The following HLF variants were observed in gnomAD, a reference collection of about 807,000 sequenced individuals.
The protein encoded by HLF is HLF transcription factor, PAR bZIP family member.
A neutral mutation model predicts 22.6 loss-of-function variants in HLF; 3 were observed. The observed-to-expected ratio is 0.13, with a 90% confidence interval of 0.06 to 0.34. The LOEUF is 0.34. Among genes scored for constraint, HLF ranks in the 10% least tolerant of loss-of-function variants. HLF has a pLI of 1.00. For synonymous variants in HLF, 151 were observed against 151.8 expected (o/e 0.99, Z 0.04); for missense variants, 299 against 389.2 (o/e 0.77, Z 1.95).
intron 2 of HLF, among the ~76,000 whole-genome samples, chr17:55,288,670 C>T (rs986217227): frequency 5.3e-5 from 8 of 151,382 alleles, no homozygotes; most frequent in Non-Finnish European, 1.0e-4. Context: ...GTGGGAGGAT[C>T]GCTTGAGCCC....
At chr17:55,292,812 A>T (rs2081076316) in intron 2 of HLF, among the ~76,000 whole-genome samples, 1 of 152,230 alleles carries the variant, frequency 6.6e-6, no homozygotes, top group Admixed American at 6.5e-5. Flanking sequence ...TTCCACCATA[A>T]AAAAGAATGA....
At chr17:55,287,256 T>G (rs1296030024) in intron 2 of HLF, among the ~76,000 whole-genome samples, 2 of 152,206 alleles carry the variant, frequency 1.3e-5, no homozygotes, top group Non-Finnish European at 2.9e-5. Context: ...GGAGCTTTGC[T>G]CCCCCTTCCC....
At chr17:55,269,228 C>T (rs576396263) in intron 2 of HLF, among the ~76,000 whole-genome samples, 14 of 152,270 alleles carry the variant, frequency 9.2e-5, no homozygotes, top group African/African-American at 2.9e-4. Context: ...TGAAGTTCCT[C>T]CTTTCAGACC....
At chr17:55,279,247 C>T (rs1005874144) in intron 2 of HLF, among the ~76,000 whole-genome samples, 1 of 152,068 alleles carries the variant, frequency 6.6e-6, no homozygotes, top group African/African-American at 2.4e-5. Flanking sequence ...TTATTGGCTT[C>T]CTGGAAGACT....
intron 2 of HLF, chr17:55,288,883 A>G (rs1477509200): frequency 1.0e-6 from 1 of 984,246 alleles, no homozygotes. Flanking sequence ...AATCACAGAG[A>G]CATGATTGGA....
At position 55,268,102 on chromosome 17, in the gene HLF, A is replaced by C; in HGVS notation, c.451+16A>C. 6.7e-7 allele frequency: 1 copy of C among 1,498,224 alleles called. No homozygotes were observed. The highest frequency in any genetic ancestry group is 9.0e-7 in the Non-Finnish European group (1 of 1,117,236). The allele number at this position is 1,498,224 out of a possible 1,614,324, so 92.8% of individuals were successfully genotyped here. Reference sequence around the variant, plus strand: ...ATCAGACCAGGTAAGTGCCCTGAAGATTCTCCCTTCAGAAAGGGAGGAGGA... The same window carrying C: ...ATCAGACCAGGTAAGTGCCCTGAAGCTTCTCCCTTCAGAAAGGGAGGAGGA... On this transcript the variant is annotated intron_variant, in intron 2 of 3. Coordinates refer to ENST00000226067, the MANE Select transcript of HLF (RefSeq NM_002126.5).
intron 2 of HLF, among the ~76,000 whole-genome samples, chr17:55,307,609 T>C (rs1213369754): frequency 6.6e-6 from 1 of 152,178 alleles, no homozygotes; most frequent in Non-Finnish European, 1.5e-5. Context: ...AATTAAAATT[T>C]GCCCCTGTTC....
chr17:55,307,147 C>CTTTTTT (rs35828509), intron 2 of HLF, among the ~76,000 whole-genome samples: 45 of 70,160 alleles, frequency 6.4e-4, no homozygotes, highest in Non-Finnish European at 7.5e-4. Context: ...TCTCAGCGGC[C>CTTTTTT]TTTTTTTTTT....
chr17:55,323,801 G>A lies in HLF; in HGVS notation c.*2922G>A, dbSNP rs1021525770. ...CATGTCTGCACGCTGCAGCTATTATGAGAGTCCCTTTGTCATTTTTCACCT... is the reference window on the plus strand; with the variant it reads ...CATGTCTGCACGCTGCAGCTATTATAAGAGTCCCTTTGTCATTTTTCACCT... On this transcript the variant is annotated 3_prime_UTR_variant, in exon 4 of 4. Coordinates refer to ENST00000226067, the MANE Select transcript of HLF (RefSeq NM_002126.5). 1.3e-5 allele frequency: 3 copies of A among 230,452 alleles called. No homozygotes were observed. Among genetic ancestry groups the A allele is most frequent in the African/African-American group, 6.6e-5 (3 of 45,192 alleles). 14.3% of individuals were successfully genotyped at this position (230,452 alleles called of 1,614,324 possible). A position where few individuals can be genotyped will look rare whatever the true frequency, so the allele number is the denominator to read the frequency against.
At chr17:55,288,451 T>G (rs945749732) in intron 2 of HLF, among the ~76,000 whole-genome samples, 1 of 152,048 alleles carries the variant, frequency 6.6e-6, no homozygotes, top group African/African-American at 2.4e-5. Context: ...CCCGGCCAGT[T>G]TCACTGTTTT....
Position 55,265,553 on chromosome 17 carries a change from G to T in HLF, c.69G>T (p.Arg23Ser). The T allele has an allele frequency of 6.2e-7, 1 of 1,610,062 alleles. No individual in the cohort carries two copies. The change falls in exon 1 of 4, where the codon AGG (arginine) becomes AGT (serine). Residue 23 changes from arginine (R) to serine (S), a missense_variant. This residue lies in a region of HLF where 72 missense variants were observed against 74.0 expected (regional missense o/e 0.97). Coordinates refer to ENST00000226067, the MANE Select transcript of HLF (RefSeq NM_002126.5). ...TFIPPPYGVLRSLLENPLKLP... is the reference protein window; with the variant it reads ...TFIPPPYGVLSSLLENPLKLP... ...TCCCGCCTCCCTACGGCGTGCTCAG[G>T]TCCCTGCTGGAGAACCCGCTGAAGC...
intron 2 of HLF, among the ~76,000 whole-genome samples, chr17:55,270,307 C>A (rs1807244677): frequency 6.6e-6 from 1 of 152,142 alleles, no homozygotes; most frequent in South Asian, 2.1e-4. Context: ...ACTCGATAGT[C>A]CTCATAGAAA....
intron 3 of HLF, among the ~76,000 whole-genome samples, chr17:55,317,202 TG>T (rs1430953319): frequency 6.6e-6 from 1 of 151,980 alleles, no homozygotes; most frequent in Non-Finnish European, 1.5e-5. Flanking sequence ...CTCCTGACCT[TG>T]TGATCTGCCC....
chr17:55,310,461 T>G (rs1424070001), intron 2 of HLF, among the ~76,000 whole-genome samples: 2 of 152,212 alleles, frequency 1.3e-5, no homozygotes, highest in African/African-American at 2.4e-5. Context: ...GTTGGAAGAA[T>G]TGGAACTGCC....
intron 2 of HLF, among the ~76,000 whole-genome samples, chr17:55,312,491 A>G (rs764269449): frequency 6.6e-5 from 10 of 152,274 alleles, no homozygotes; most frequent in South Asian, 4.1e-4. Context: ...TATCCAAACT[A>G]TGGGATCCTC....
At chr17:55,268,848 C>T (rs1336241613) in intron 2 of HLF, among the ~76,000 whole-genome samples, 2 of 152,056 alleles carry the variant, frequency 1.3e-5, no homozygotes, top group East Asian at 3.9e-4. Context: ...ACAAAAATAT[C>T]ACCTGAAATG....
chr17:55,315,267 T>C lies in HLF; in HGVS notation c.492T>C (p.Ile164=). 6.2e-7 allele frequency: 1 copy of C among 1,614,200 alleles called. No homozygotes were observed. ...LPANRNTPSP[I]DPDTIQVPVG... ...CAAACCGCAATACACCAAGTCCCATTGATCCTGACACCATCCAGGTCCCAG... is the reference window on the plus strand; with the variant it reads ...CAAACCGCAATACACCAAGTCCCATCGATCCTGACACCATCCAGGTCCCAG... The change falls in exon 3 of 4, where the codon ATT becomes ATC. Residue 164 remains isoleucine, a synonymous_variant. Coordinates refer to ENST00000226067, the MANE Select transcript of HLF (RefSeq NM_002126.5).
At chr17:55,275,030 G>C (rs1436187651) in intron 2 of HLF, among the ~76,000 whole-genome samples, 1 of 151,390 alleles carries the variant, frequency 6.6e-6, no homozygotes. Flanking sequence ...GTAGCTAACT[G>C]TACCCTTTAC....
At position 55,322,895 on chromosome 17, in the gene HLF, CTTTT is replaced by C; in HGVS notation, c.*2017_*2020del. The C allele has an allele frequency of 4.4e-6, 1 of 226,716 alleles. No individual in the cohort carries two copies. Among genetic ancestry groups the C allele is most frequent in the Non-Finnish European group, 8.8e-6 (1 of 113,870 alleles). The allele number at this position is 226,716 out of a possible 1,614,324, so 14.0% of individuals were successfully genotyped here. A position where few individuals can be genotyped will look rare whatever the true frequency, so the allele number is the denominator to read the frequency against. On this transcript the variant is annotated 3_prime_UTR_variant, in exon 4 of 4. Coordinates refer to ENST00000226067, the MANE Select transcript of HLF (RefSeq NM_002126.5). Reference sequence around the variant, plus strand: ...ATGTTTGACTTTAAAGATGATTGTTCTTTTGTTTCATTAAGTTGTAAAATGTCAA... The same window carrying C: ...ATGTTTGACTTTAAAGATGATTGTTCGTTTCATTAAGTTGTAAAATGTCAA...
Sources: allele counts gnomAD v4.1 joint callset (sites outside exome capture counted in the v4.1 genomes callset), GRCh38; gene constraint gnomAD v4.1.1; regional missense constraint gnomAD v4.1.1; transcripts MANE v1.5; gene names NCBI Gene and HGNC (gene_info 2026-07-23, HGNC 2026-07-21).